FOCAD: variants seen among roughly 807,000 people sequenced by gnomAD.
FOCAD encodes KIAA1797.
A neutral mutation model predicts 225.6 loss-of-function variants in FOCAD; 198 were observed. The observed-to-expected ratio is 0.88, with a 90% confidence interval of 0.78 to 0.99. The LOEUF (loss-of-function observed/expected upper bound fraction) is 0.99, where lower values mean the gene tolerates loss of function less well. Ranked by LOEUF, FOCAD falls within the 50% of genes least tolerant of loss-of-function variation. The pLI is 0.00. For synonymous variants in FOCAD, 897 were observed against 755.0 expected (o/e 1.19, Z -3.08); for missense variants, 2,713 against 2,123.6 (o/e 1.28, Z -5.46).
chr9:20,937,025 T>C (rs1389727030), intron 28 of FOCAD, among the ~76,000 whole-genome samples: 1 of 151,784 alleles, frequency 6.6e-6, no homozygotes, highest in Non-Finnish European at 1.5e-5. Context: ...TTACAAGGGA[T>C]GTGAAGGACC....
At chr9:20,816,126 G>A (rs1285212222) in intron 11 of FOCAD, among the ~76,000 whole-genome samples, 3 of 152,054 alleles carry the variant, frequency 2.0e-5, no homozygotes, top group African/African-American at 4.8e-5. Flanking sequence ...TTAGGGCCAA[G>A]TCTCATAAAG....
At chr9:20,920,975 TAAA>T (rs1429738570) in intron 24 of FOCAD, among the ~76,000 whole-genome samples, 2 of 147,784 alleles carry the variant, frequency 1.4e-5, no homozygotes, top group Non-Finnish European at 3.0e-5. Context: ...ATAATAAAAT[TAAA>T]AAATAAATAA....
chr9:20,934,892 A>G (rs371400341), intron 28 of FOCAD, among the ~76,000 whole-genome samples: 28 of 152,202 alleles, frequency 1.8e-4, no homozygotes, highest in African/African-American at 6.5e-4. Flanking sequence ...AAAAATAATA[A>G]GATACTTAGG....
At chr9:20,940,283 C>CTTT (rs567390382) in intron 28 of FOCAD, among the ~76,000 whole-genome samples, 5 of 133,532 alleles carry the variant, frequency 3.7e-5, no homozygotes, top group African/African-American at 1.4e-4. Context: ...GCAGTTCTCC[C>CTTT]TTTTTTTTTT....
intron 1 of FOCAD, among the ~76,000 whole-genome samples, chr9:20,687,854 T>C (rs905132667): frequency 5.9e-5 from 9 of 152,136 alleles, no homozygotes; most frequent in African/African-American, 2.2e-4. Flanking sequence ...TCACATAGTA[T>C]AGTGGGGGAT....
chr9:20,693,139 G>A (rs1034769747), intron 1 of FOCAD, among the ~76,000 whole-genome samples: 1 of 152,118 alleles, frequency 6.6e-6, no homozygotes, highest in Admixed American at 6.6e-5. Flanking sequence ...TGACCCATTT[G>A]TTGCCTCTCC....
chr9:20,722,098 C>T (rs1417480142), intron 4 of FOCAD, among the ~76,000 whole-genome samples: 1 of 145,422 alleles, frequency 6.9e-6, no homozygotes, highest in African/African-American at 2.6e-5. Flanking sequence ...GCTATGCTGC[C>T]TGGGCATTAT....
At position 20,781,856 on chromosome 9, in the gene FOCAD, C is replaced by G. The variant is rs1001970680; in HGVS notation, c.1124C>G (p.Pro375Arg). ...EDCISVDEEG[P>R]SRQQLALNLL... ...TGTATATCTGTGGATGAAGAAGGTC[C>G]CTCTAGGCAGCAGTTGGCTCTAAAC... The change falls in exon 10 of 44, where the codon CCC (proline) becomes CGC (arginine). Residue 375 changes from proline (P) to arginine (R), a missense_variant. Coordinates refer to ENST00000338382, the MANE Select transcript of FOCAD (RefSeq NM_001375567.1). 3 of 1,613,940 alleles carry G rather than the reference C, an allele frequency of 1.9e-6. No individual in the cohort carries two copies. The highest frequency in any genetic ancestry group is 2.5e-6 in the Non-Finnish European group (3 of 1,179,974).
chr9:20,995,493 T>C (rs553886272), intron 43 of FOCAD, 63 bp from the exon 44 acceptor site: 1 of 1,370,470 alleles, frequency 7.3e-7, no homozygotes, highest in Non-Finnish European at 1.0e-6. Flanking sequence ...AATTCTGTTC[T>C]GACACCTTTT....
At chr9:20,872,463 T>G (rs970723724) in intron 18 of FOCAD, among the ~76,000 whole-genome samples, 1 of 152,002 alleles carries the variant, frequency 6.6e-6, no homozygotes, top group Non-Finnish European at 1.5e-5. Context: ...GTTCCTCTGG[T>G]GGTGGCAGTG....
chr9:20,722,347 C>G (rs983316412), intron 4 of FOCAD, among the ~76,000 whole-genome samples: 4 of 152,188 alleles, frequency 2.6e-5, no homozygotes, highest in Admixed American at 2.6e-4. Flanking sequence ...TCTTCCTGAG[C>G]CCTTGTGTGT....
At chr9:20,970,156 G>A (rs1195827784) in intron 35 of FOCAD, among the ~76,000 whole-genome samples, 1 of 151,878 alleles carries the variant, frequency 6.6e-6, no homozygotes, top group Non-Finnish European at 1.5e-5. Context: ...TAAAAATTTG[G>A]CTACAGTACG....
rs570453467 is a variant in FOCAD at position 20,753,868 on chromosome 9, T to C, written c.393-4222T>C. 6.6e-5 allele frequency among the ~76,000 whole-genome samples: 10 copies of C among 152,188 alleles called. No individual in the cohort carries two copies. In the East Asian group the frequency reaches 1.3e-3, roughly 21 times the overall value. On this transcript the variant is annotated intron_variant, in intron 5 of 43. Coordinates refer to ENST00000338382, the MANE Select transcript of FOCAD (RefSeq NM_001375567.1). Reference sequence around the variant, plus strand: ...ACTTGTATAGGTTATTGTCTGCTACTGTTAGATTTATTTACAAGTGATCGG... The same window carrying C: ...ACTTGTATAGGTTATTGTCTGCTACCGTTAGATTTATTTACAAGTGATCGG...
intron 25 of FOCAD, 125 bp downstream of exon 25, chr9:20,923,893 G>C: frequency 1.4e-6 from 1 of 698,590 alleles, no homozygotes; most frequent in Non-Finnish European, 2.5e-6. Flanking sequence ...AGTACTTGAT[G>C]GGCCTTTATA....
At chr9:20,972,167 T>A (rs1192017078) in intron 35 of FOCAD, among the ~76,000 whole-genome samples, 1 of 152,158 alleles carries the variant, frequency 6.6e-6, no homozygotes, top group East Asian at 1.9e-4. Context: ...TCTATTTATA[T>A]AAAATAATGT....
chr9:20,970,445 G>T (rs940970633), intron 35 of FOCAD, among the ~76,000 whole-genome samples: 2 of 151,940 alleles, frequency 1.3e-5, no homozygotes, highest in African/African-American at 2.4e-5. Context: ...TCTTTTGCCT[G>T]CTCAAGTCTG....
intron 35 of FOCAD, among the ~76,000 whole-genome samples, chr9:20,969,149 T>C (rs4977860): frequency 0.37 from 56,655 of 151,896 alleles, 10,829 homozygotes; most frequent in East Asian, 0.46. Flanking sequence ...ATGGTTTTAG[T>C]CTTTTAAAAT....
chr9:20,913,531 G>A (rs908982997), intron 23 of FOCAD, among the ~76,000 whole-genome samples: 3 of 152,132 alleles, frequency 2.0e-5, no homozygotes, highest in African/African-American at 7.2e-5. Flanking sequence ...TGTTTCACCA[G>A]CCTAAATGTA....
chr9:20,801,401 C>T (rs982258142), intron 11 of FOCAD, among the ~76,000 whole-genome samples: 3 of 152,054 alleles, frequency 2.0e-5, no homozygotes. Context: ...GGGCTGGTCT[C>T]GAAACCATGA....
Sources: gnomAD v4.1 joint callset for allele counts (sites outside exome capture counted in the v4.1 genomes callset) on GRCh38, gnomAD v4.1.1 for gene constraint, MANE v1.5 for transcripts, NCBI Gene and HGNC (gene_info 2026-07-23, HGNC 2026-07-21) for gene names.